PARVB: variants seen among roughly 807,000 people sequenced by gnomAD.
PARVB encodes the protein parvin beta.
Under a neutral mutation model 47.0 loss-of-function variants are expected in PARVB, and 46 were observed. The observed-to-expected ratio is 0.98, with a 90% CI of 0.77 to 1.25. The LOEUF (loss-of-function observed/expected upper bound fraction) is 1.25, where lower values mean the gene tolerates loss of function less well. PARVB is among the 50% of genes most tolerant of loss of function. The pLI is 0.00. For synonymous variants in PARVB, 196 were observed against 196.3 expected, an observed-to-expected ratio of 1.00 and a Z score of 0.01; for missense variants, 473 against 471.6, an observed-to-expected ratio of 1.00 and a Z score of -0.03.
At chr22:44,069,055 G>T in intron 1 of PARVB, 2 of 1,505,740 alleles carry the variant, frequency 1.3e-6, no homozygotes, top group Non-Finnish European at 1.8e-6. Flanking sequence ...AGTCATAGTG[G>T]CGCCCCTGCC....
At chr22:44,097,935 A>G (rs1459486224) in intron 2 of PARVB, among the ~76,000 whole-genome samples, 1 of 152,116 alleles carries the variant, frequency 6.6e-6, no homozygotes, top group African/African-American at 2.4e-5. Flanking sequence ...GGACCCCTCA[A>G]GAAGCACACA....
intron 3 of PARVB, chr22:44,112,898 G>C (rs1295463334): frequency 1.3e-5 from 1 of 78,856 alleles, no homozygotes; most frequent in Non-Finnish European, 2.3e-5. Flanking sequence ...ATAAGGCCCT[G>C]TACCAACACA....
At chr22:44,165,302 C>G (rs139849440) in intron 12 of PARVB, among the ~76,000 whole-genome samples, 17 of 152,184 alleles carry the variant, frequency 1.1e-4, no homozygotes, top group African/African-American at 4.1e-4. Flanking sequence ...CCCTCCCTCC[C>G]CACTAGAACA....
upstream of PARVB, among the ~76,000 whole-genome samples, chr22:44,023,506 G>A (rs953896399): frequency 5.0e-5 from 7 of 138,938 alleles, no homozygotes; most frequent in African/African-American, 1.9e-4. Context: ...GCAAGACTAC[G>A]TCTAAAAAAA....
upstream of PARVB, among the ~76,000 whole-genome samples, chr22:44,021,167 A>G (rs2050643271): frequency 6.6e-6 from 1 of 152,196 alleles, no homozygotes; most frequent in Non-Finnish European, 1.5e-5. Context: ...GGACAAAAAC[A>G]GTATGACTCA....
At chr22:43,999,859 C>A (rs79409014) in intron 2 of PARVB, among the ~76,000 whole-genome samples, 188 of 79,122 alleles carry the variant, frequency 2.4e-3, no homozygotes, top group South Asian at 4.5e-3. Context: ...AAAAAAAAAA[C>A]AGCTGGGTGT....
Position 44,168,631 on chromosome 22 carries a change from C to G in PARVB, c.1048C>G (p.Leu350Val), listed in dbSNP as rs1237949403. 6.2e-7 allele frequency: 1 copy of G among 1,613,296 alleles called. No individual in the cohort carries two copies. ...DVVNLDLKST[L>V]RVLYNLFTKY... is the part of the protein sequence containing the mutation. Reference sequence around the variant, plus strand: ...GGTTAACTTGGACCTCAAATCCACCCTGAGGGTTCTTTACAACCTGTTCAC... The same window carrying G: ...GGTTAACTTGGACCTCAAATCCACCGTGAGGGTTCTTTACAACCTGTTCAC... Residue 350 changes from leucine to valine, a missense_variant, in exon 13 of 13, where the codon CTG becomes GTG. Leu to Val is a conservative substitution (Grantham distance 32). Transcript: ENST00000338758.
At chr22:44,009,650 T>A (rs963161245) in intron 2 of PARVB, 4 of 150,886 alleles carry the variant, frequency 2.7e-5, no homozygotes, top group Admixed American at 6.6e-5. Context: ...ATATATAAAA[T>A]AGGTTTTAAA....
chr22:44,022,892 A>G (rs1006671115), upstream of PARVB, among the ~76,000 whole-genome samples: 44 of 151,958 alleles, frequency 2.9e-4, no homozygotes, highest in Admixed American at 2.8e-3. Context: ...GATTACAGGC[A>G]TCCACCACCA....
intron 4 of PARVB, among the ~76,000 whole-genome samples, chr22:44,131,191 G>T (rs1030294064): frequency 2.7e-5 from 4 of 150,578 alleles, no homozygotes; most frequent in African/African-American, 9.8e-5. Flanking sequence ...GCCCAGGCTT[G>T]GGTGCAATGG....
chr22:44,156,440 C>T (rs549519213), intron 10 of PARVB, among the ~76,000 whole-genome samples: 8 of 152,028 alleles, frequency 5.3e-5, no homozygotes, highest in South Asian at 2.1e-4. Flanking sequence ...CCACCACACC[C>T]GCTAATTTTT....
intron 1 of PARVB, among the ~76,000 whole-genome samples, chr22:44,038,533 C>T (rs2050961571): frequency 6.6e-6 from 1 of 152,188 alleles, no homozygotes; most frequent in Non-Finnish European, 1.5e-5. Context: ...GTAATCCCAG[C>T]ACTTTGGAAG....
chr22:44,000,301 T>C (rs1169960471), intron 2 of PARVB, among the ~76,000 whole-genome samples: 2 of 152,252 alleles, frequency 1.3e-5, no homozygotes, highest in African/African-American at 2.4e-5. Context: ...GGCTCTTTGA[T>C]TGTGATTCAG....
Position 44,132,872 on chromosome 22 carries a change from CCCTTCCT to C in PARVB, c.518-11_518-5del, listed in dbSNP as rs745994981. ...CTGTGTAACCTGATCTAAAGCGTCT[CCCTTCCT>C]CCTTCCTCCTGCAGCAATTCACGGG... On this transcript the variant is annotated splice_polypyrimidine_tract_variant and intron_variant, in intron 5 of 12. Transcript: ENST00000338758. 28 of 1,554,552 alleles carry C rather than the reference CCCTTCCT, an allele frequency of 1.8e-5. No homozygotes were observed. The Admixed American group carries it at 4.3e-4, about 24-fold the overall frequency.
chr22:44,016,290 G>A (rs528439449), intron 2 of PARVB, among the ~76,000 whole-genome samples: 1 of 151,964 alleles, frequency 6.6e-6, no homozygotes, highest in Admixed American at 6.6e-5. Context: ...TAGAGACGGG[G>A]TTTCACCGTG....
chr22:44,044,821 G>A (rs2051086358), intron 1 of PARVB, among the ~76,000 whole-genome samples: 1 of 152,054 alleles, frequency 6.6e-6, no homozygotes, highest in South Asian at 2.1e-4. Context: ...TTTTATTTTG[G>A]ATCCATGGTA....
At chr22:44,092,772 A>G (rs982698565) in intron 1 of PARVB, among the ~76,000 whole-genome samples, 5 of 152,200 alleles carry the variant, frequency 3.3e-5, no homozygotes, top group Non-Finnish European at 5.9e-5. Context: ...GGCCAGCATG[A>G]GTGGGGCCCT....
chr22:44,119,793 T>C (rs1157257720), intron 4 of PARVB: 1 of 532,862 alleles, frequency 1.9e-6, no homozygotes, highest in East Asian at 5.4e-5. Flanking sequence ...TTACAGTTAC[T>C]GTTCAGATTG....
At chr22:44,005,720 T>C (rs2050457659) in intron 2 of PARVB, among the ~76,000 whole-genome samples, 1 of 152,168 alleles carries the variant, frequency 6.6e-6, no homozygotes, top group Non-Finnish European at 1.5e-5. Context: ...GAAGTTCCTC[T>C]GATTGGTCCC....
Sources: gnomAD v4.1 joint callset for allele counts (sites outside exome capture counted in the v4.1 genomes callset) on GRCh38, gnomAD v4.1.1 for gene constraint, MANE v1.5 for transcripts, NCBI Gene and HGNC (gene_info 2026-07-23, HGNC 2026-07-21) for gene names.